ADCY9: variants seen among roughly 807,000 people sequenced by gnomAD.
ADCY9 encodes the protein adenylate cyclase type 9.
ADCY9 carries 50 observed loss-of-function variants against 101.5 expected under a neutral mutation model. That is an observed-to-expected ratio of 0.49 (90% CI 0.39 to 0.62). ADCY9 has a LOEUF of 0.62. Among genes scored for constraint, ADCY9 ranks in the 20% least tolerant of loss-of-function variants. The pLI, the probability that ADCY9 is intolerant of heterozygous loss-of-function variation, is 0.00. For synonymous variants in ADCY9, 905 were observed against 769.3 expected (o/e 1.18, Z -2.92); for missense variants, 1,662 against 1,800.4 (o/e 0.92, Z 1.39).
intron 10 of ADCY9, among the ~76,000 whole-genome samples, chr16:3,967,277 G>A (rs61548824): frequency 0.12 from 17,556 of 152,136 alleles, 2,154 homozygotes; most frequent in African/African-American, 0.3. Context: ...GGCGTGAGCT[G>A]CTGTGCCCAG....
intron 2 of ADCY9, among the ~76,000 whole-genome samples, chr16:4,079,677 G>A (rs1261398368): frequency 1.3e-5 from 2 of 152,144 alleles, no homozygotes; most frequent in Non-Finnish European, 2.9e-5. Context: ...GTTTAATGGT[G>A]TTAATGGTGT....
chr16:3,986,196 G>A (rs774616042), intron 6 of ADCY9, among the ~76,000 whole-genome samples: 2 of 152,218 alleles, frequency 1.3e-5, no homozygotes, highest in African/African-American at 2.4e-5. Context: ...CAAAACCAGG[G>A]ATAAACCAGT....
chr16:3,968,924 C>A (rs569239602), intron 10 of ADCY9, among the ~76,000 whole-genome samples: 2 of 152,244 alleles, frequency 1.3e-5, no homozygotes, highest in African/African-American at 4.8e-5. Flanking sequence ...CGCCTCACCA[C>A]AAACTCCGCC....
chr16:3,970,103 A>G (rs1158279492), intron 10 of ADCY9, among the ~76,000 whole-genome samples: 4 of 152,134 alleles, frequency 2.6e-5, no homozygotes, highest in African/African-American at 9.7e-5. Flanking sequence ...AGAGTAGGCC[A>G]GTTGATTTGA....
Position 4,007,607 on chromosome 16 carries a change from T to C in ADCY9, c.1694-49A>G, listed in dbSNP as rs144062037. 1,524 of 1,492,878 alleles carry C rather than the reference T, an allele frequency of 1.0e-3. 13 individuals carry two copies. The African/African-American group carries it at 0.015, about 15-fold the overall frequency. The allele number at this position is 1,492,878 out of a possible 1,614,324, so 92.5% of individuals were successfully genotyped here. On this transcript the variant is annotated intron_variant, in intron 2 of 10. Coordinates refer to ENST00000294016, the MANE Select transcript of ADCY9 (RefSeq NM_001116.4). ...CAGCACAGATTGAAAGCACCGTCTG[T>C]TGAAACGCAGCTCCGTCTTGCTCTC...
chr16:3,969,056 C>A (rs2056024103), intron 10 of ADCY9, among the ~76,000 whole-genome samples: 1 of 151,998 alleles, frequency 6.6e-6, no homozygotes, highest in Non-Finnish European at 1.5e-5. Context: ...AAACTCGTGA[C>A]CTCGTGATCC....
At chr16:4,097,007 T>C (rs914050354) in intron 2 of ADCY9, among the ~76,000 whole-genome samples, 8 of 152,164 alleles carry the variant, frequency 5.3e-5, no homozygotes, top group Non-Finnish European at 5.9e-5. Context: ...TGTGTATAAA[T>C]GGTAATCAAA....
At chr16:4,100,834 C>A (rs1361933838) in intron 2 of ADCY9, among the ~76,000 whole-genome samples, 1 of 151,758 alleles carries the variant, frequency 6.6e-6, no homozygotes, top group Admixed American at 6.6e-5. Flanking sequence ...CATCTAAACA[C>A]ACACGGCTCC....
At chr16:4,011,227 TGCAGCAG>T (rs945203991) in intron 2 of ADCY9, among the ~76,000 whole-genome samples, 3 of 152,176 alleles carry the variant, frequency 2.0e-5, no homozygotes, top group Non-Finnish European at 4.4e-5. Flanking sequence ...AGAGGTGGCC[TGCAGCAG>T]GCATAGCTAA....
chr16:4,053,890 G>A (rs2056718412), intron 2 of ADCY9: 1 of 152,062 alleles, frequency 6.6e-6, no homozygotes, highest in South Asian at 2.1e-4. Context: ...ATTACCCAGA[G>A]GAGCAAGGAT....
At chr16:3,978,917 A>C (rs1483725351) in intron 8 of ADCY9, among the ~76,000 whole-genome samples, 199 bp downstream of exon 8, 1 of 152,042 alleles carries the variant, frequency 6.6e-6, no homozygotes, top group African/African-American at 2.4e-5. Context: ...GGGTTTCACC[A>C]TGTTGGCCAG....
At chr16:4,108,493 C>A (rs1302257199) in intron 2 of ADCY9, among the ~76,000 whole-genome samples, 1 of 147,852 alleles carries the variant, frequency 6.8e-6, no homozygotes, top group African/African-American at 2.5e-5. Context: ...CCTGCCTCAG[C>A]TTCCCAAGTG....
chr16:4,073,777 G>A (rs1232811688), intron 2 of ADCY9, among the ~76,000 whole-genome samples: 2 of 152,100 alleles, frequency 1.3e-5, no homozygotes, highest in South Asian at 2.1e-4. Flanking sequence ...CAGAAGACCT[G>A]TAGCATAAAA....
intron 3 of ADCY9, among the ~76,000 whole-genome samples, chr16:4,001,411 C>T (rs2056329862): frequency 6.6e-6 from 1 of 152,208 alleles, no homozygotes; most frequent in African/African-American, 2.4e-5. Context: ...GGAAAGAATG[C>T]CGCAGAGGTG....
At chr16:3,961,700 G>C (rs377536960), downstream of ADCY9, among the ~76,000 whole-genome samples, 125 of 152,150 alleles carry the variant, frequency 8.2e-4, 3 homozygotes, top group South Asian at 0.025. Flanking sequence ...GTCTACAAAA[G>C]AATCTTTGTG....
intron 2 of ADCY9, among the ~76,000 whole-genome samples, chr16:4,075,746 C>T (rs954659240): frequency 2.6e-5 from 4 of 151,864 alleles, no homozygotes; most frequent in African/African-American, 4.8e-5. Flanking sequence ...GCTGGGGCAG[C>T]GGGGGGGCCA....
At chr16:4,070,868 G>A (rs1272180498) in intron 2 of ADCY9, among the ~76,000 whole-genome samples, 2 of 152,034 alleles carry the variant, frequency 1.3e-5, no homozygotes, top group African/African-American at 4.8e-5. Flanking sequence ...ATTACTTTGA[G>A]CCCAGAAGGT....
chr16:4,113,706 C>T lies in ADCY9; in HGVS notation c.1693+44G>A, dbSNP rs754774255. The T allele has an allele frequency of 1.7e-5, 26 of 1,559,922 alleles. No individual in the cohort carries two copies. In the Admixed American group the frequency reaches 2.7e-4, roughly 16 times the overall value. On this transcript the variant is annotated intron_variant, in intron 2 of 10. Coordinates refer to ENST00000294016, the MANE Select transcript of ADCY9 (RefSeq NM_001116.4). ...GCTTTTTTTTTTAATTTAATACAAT[C>T]AGGATCAGGGAGGGGGGATGCCGAG...
chr16:3,958,165 C>G (rs1005213821), downstream of ADCY9, among the ~76,000 whole-genome samples: 1 of 152,148 alleles, frequency 6.6e-6, no homozygotes, highest in Admixed American at 6.5e-5. Context: ...TCTCACCAGC[C>G]AACCCAAGCC....
Sources: gnomAD v4.1 joint callset for allele counts (sites outside exome capture counted in the v4.1 genomes callset) on GRCh38, gnomAD v4.1.1 for gene constraint, MANE v1.5 for transcripts, NCBI Gene and HGNC (gene_info 2026-07-23, HGNC 2026-07-21) for gene names.